RASSF3: variants seen among roughly 807,000 people sequenced by gnomAD.
RASSF3 encodes ras association domain-containing protein 3.
In RASSF3, 19 loss-of-function variants were observed where a neutral mutation model predicts 19.9. The ratio of observed to expected loss-of-function variants is 0.96; its 90% CI spans 0.67 to 1.40. RASSF3 has a LOEUF of 1.40. RASSF3 is among the 40% of genes most tolerant of loss of function. The pLI, the probability that RASSF3 is intolerant of heterozygous loss-of-function variation, is 0.00. For missense variants in RASSF3, 306 were observed against 289.8 expected (o/e 1.06, Z -0.41); for synonymous variants, 110 against 104.2 (o/e 1.06, Z -0.34).
chr12:64,602,009 C>T (rs1427357103), intron 2 of RASSF3, among the ~76,000 whole-genome samples: 3 of 149,690 alleles, frequency 2.0e-5, no homozygotes, highest in Middle Eastern at 3.3e-3. Flanking sequence ...CCCAACTACT[C>T]GGGAGGCTGA....
At chr12:64,551,006 C>T (rs979309698) in intron 2 of RASSF3, among the ~76,000 whole-genome samples, 1 of 152,056 alleles carries the variant, frequency 6.6e-6, no homozygotes, top group African/African-American at 2.4e-5. Context: ...TTTCCCTCCT[C>T]AAGCTTGCCC....
At chr12:64,508,198 A>G (rs1409030430) in intron 1 of RASSF3, among the ~76,000 whole-genome samples, 1 of 152,194 alleles carries the variant, frequency 6.6e-6, no homozygotes, top group East Asian at 1.9e-4. Flanking sequence ...GTGCTAGATT[A>G]TCCAGTGCCA....
intron 2 of RASSF3, among the ~76,000 whole-genome samples, chr12:64,577,543 C>T (rs1291666637): frequency 6.6e-6 from 1 of 152,114 alleles, no homozygotes; most frequent in African/African-American, 2.4e-5. Context: ...CCAGCCTGGC[C>T]AACATGGGGG....
chr12:64,612,914 A>T (rs1870421882), intron 1 of RASSF3, among the ~76,000 whole-genome samples: 1 of 152,238 alleles, frequency 6.6e-6, no homozygotes, highest in Non-Finnish European at 1.5e-5. Context: ...AAATCAGGAC[A>T]GGAAGACATA....
At chr12:64,685,452 C>T (rs1873311119) in intron 2 of RASSF3, among the ~76,000 whole-genome samples, 1 of 152,002 alleles carries the variant, frequency 6.6e-6, no homozygotes, top group Admixed American at 6.6e-5. Context: ...GCCATATCAC[C>T]CAGGCTCATC....
intron 1 of RASSF3, chr12:64,630,053 C>T (rs1199944698): frequency 6.7e-6 from 1 of 149,848 alleles, no homozygotes. Context: ...TGGCAAATAA[C>T]AGCACCAAAT....
intron 2 of RASSF3, among the ~76,000 whole-genome samples, chr12:64,570,536 T>C (rs1290024847): frequency 2.0e-5 from 3 of 152,234 alleles, no homozygotes; most frequent in Non-Finnish European, 2.9e-5. Context: ...TGCATTTTAA[T>C]ATTTTTTCAT....
At chr12:64,677,397 A>G (rs1014522410) in intron 1 of RASSF3, among the ~76,000 whole-genome samples, 7 of 152,224 alleles carry the variant, frequency 4.6e-5, no homozygotes, top group Admixed American at 2.6e-4. Flanking sequence ...TTATTTTAAA[A>G]CAATTTTTTG....
At chr12:64,674,602 C>T (rs1021087982) in intron 1 of RASSF3, among the ~76,000 whole-genome samples, 39 of 152,178 alleles carry the variant, frequency 2.6e-4, no homozygotes, top group African/African-American at 9.4e-4. Flanking sequence ...AGTGTAAAAG[C>T]ACTGTTGTGT....
rs4046189 is a variant in RASSF3 at position 64,561,715 on chromosome 12, C to CT, written c.294+20027dup. On this transcript the variant is annotated intron_variant, in intron 2 of 5. Coordinates refer to the RASSF3 transcript ENST00000637125. ...TACTCTGCACCTCTTTAGCATTTAT[C>CT]TTTTTTTTTTTTTTTTTGAGATGGA... Among the ~76,000 whole-genome samples, 1,071 of 127,580 alleles carry CT rather than the reference C, an allele frequency of 8.4e-3. 35 individuals carry two copies. The highest frequency in any genetic ancestry group is 0.027 in the African/African-American group (961 of 35,812). 83.7% of individuals were successfully genotyped at this position (127,580 alleles called of 152,430 possible).
chr12:64,688,673 A>T (rs992450807), intron 3 of RASSF3, among the ~76,000 whole-genome samples: 6 of 151,754 alleles, frequency 4.0e-5, no homozygotes, highest in African/African-American at 1.5e-4. Flanking sequence ...GGAAGCATCC[A>T]TATGTGATTG....
At chr12:64,674,444 A>G (rs1260239515) in intron 1 of RASSF3, among the ~76,000 whole-genome samples, 2 of 152,158 alleles carry the variant, frequency 1.3e-5, no homozygotes, top group African/African-American at 2.4e-5. Context: ...AGCCAGGCAC[A>G]GTGGCTTATG....
intron 1 of RASSF3, among the ~76,000 whole-genome samples, chr12:64,623,539 A>G (rs1191841693): frequency 6.6e-6 from 1 of 152,252 alleles, no homozygotes; most frequent in Non-Finnish European, 1.5e-5. Context: ...ACGTTTGTCC[A>G]TTTAAGGTCT....
At chr12:64,570,149 T>G (rs1485251975) in intron 2 of RASSF3, among the ~76,000 whole-genome samples, 1 of 152,198 alleles carries the variant, frequency 6.6e-6, no homozygotes, top group African/African-American at 2.4e-5. Context: ...CTTTGGCCTA[T>G]AAAGTTCACA....
chr12:64,615,998 T>C (rs1592421314), intron 1 of RASSF3, among the ~76,000 whole-genome samples: 2 of 152,196 alleles, frequency 1.3e-5, no homozygotes, highest in East Asian at 3.9e-4. Flanking sequence ...TAAATGCTGA[T>C]TTTTAATTCC....
At position 64,696,163 on chromosome 12, in the gene RASSF3, G is replaced by A. The variant is rs1868361165; in HGVS notation, c.*1251G>A. 3 of 96,582 alleles carry A rather than the reference G, an allele frequency of 3.1e-5. No homozygotes were observed. The highest frequency in any genetic ancestry group is 4.0e-5 in the African/African-American group (1 of 24,882). The allele number at this position is 96,582 out of a possible 1,614,324, so 6.0% of individuals were successfully genotyped here. On this transcript the variant is annotated 3_prime_UTR_variant, in exon 5 of 5. Transcript: ENST00000542104. ...TCCCTCTCCCTTTCTTTTCTACATT[G>A]AAATCTGTTCTTACATAATAGAGAA...
intron 2 of RASSF3, among the ~76,000 whole-genome samples, chr12:64,571,288 T>G (rs1869514654): frequency 1.3e-5 from 2 of 152,140 alleles, no homozygotes; most frequent in Admixed American, 1.3e-4. Context: ...GTTGGTGCAT[T>G]ATAATGACAC....
chr12:64,667,461 G>T (rs1009772830), intron 1 of RASSF3, among the ~76,000 whole-genome samples: 2 of 152,148 alleles, frequency 1.3e-5, no homozygotes, highest in African/African-American at 4.8e-5. Flanking sequence ...CAAAGTACTG[G>T]GATTACAGGT....
intron 2 of RASSF3, among the ~76,000 whole-genome samples, chr12:64,598,368 G>GGTTTTCAAAAACCTTATAAGGCCTTCAAA (rs1870030572): frequency 6.6e-6 from 1 of 152,150 alleles, no homozygotes; most frequent in Non-Finnish European, 1.5e-5. Context: ...ATAAGGTTTT[G>GGTTTTCAAAAACCTTATAAGGCCTTCAAA]AAGGCCAGAA....
Sources: gnomAD v4.1 joint callset for allele counts (sites outside exome capture counted in the v4.1 genomes callset) on GRCh38, gnomAD v4.1.1 for gene constraint, MANE v1.5 for transcripts, NCBI Gene and HGNC (gene_info 2026-07-23, HGNC 2026-07-21) for gene names.